Variants in AGFG1 observed in about 807,000 individuals in gnomAD.
AGFG1 encodes the protein ArfGAP with FG repeats 1.
In AGFG1, 10 loss-of-function variants were observed where a neutral mutation model predicts 60.6. The observed-to-expected ratio is 0.16, with a 90% CI of 0.10 to 0.28. AGFG1 has a LOEUF of 0.28. Among genes scored for constraint, AGFG1 ranks in the 10% least tolerant of loss-of-function variants. AGFG1 has a pLI of 1.00. For missense variants in AGFG1, 537 were observed against 676.5 expected (o/e 0.79, Z 2.29); for synonymous variants, 247 against 242.9 (o/e 1.02, Z -0.16).
intron 10 of AGFG1, among the ~76,000 whole-genome samples, chr2:227,546,768 TA>T (rs1329276790): frequency 7.2e-5 from 11 of 152,236 alleles, no homozygotes; most frequent in African/African-American, 2.7e-4. Flanking sequence ...TAATAGAGGT[TA>T]AAATAATTTT....
chr2:227,557,951 T>C lies in AGFG1; in HGVS notation c.*3456T>C, dbSNP rs1336118950. 7 of 152,212 alleles carry C rather than the reference T, an allele frequency of 4.6e-5. No homozygotes were observed. The highest frequency in any genetic ancestry group is 8.8e-5 in the Non-Finnish European group (6 of 68,014). The allele number at this position is 152,212 out of a possible 1,614,324, so 9.4% of individuals were successfully genotyped here. ...TCTCCAGACTCTTTGAGAACCACTA[T>C]ACTTTAAATTTGTGTATTTCTAGAA... is the stretch of plus-strand genomic sequence containing the variant. On this transcript the variant is annotated 3_prime_UTR_variant, in exon 13 of 13. Transcript: ENST00000310078.
chr2:227,534,157 A>G (rs999646700), intron 7 of AGFG1, among the ~76,000 whole-genome samples: 1 of 152,134 alleles, frequency 6.6e-6, no homozygotes, highest in Non-Finnish European at 1.5e-5. Context: ...ATATTTAAAA[A>G]AAAAAATTCA....
chr2:227,531,893 G>C (rs1692172229), intron 6 of AGFG1, among the ~76,000 whole-genome samples: 1 of 152,192 alleles, frequency 6.6e-6, no homozygotes, highest in African/African-American at 2.4e-5. Context: ...GACAAGAGTA[G>C]ATTAATGATC....
Position 227,472,432 on chromosome 2 carries a change from G to T in AGFG1, c.11G>T (p.Ser4Ile). The T allele has an allele frequency of 6.6e-7, 1 of 1,524,680 alleles. No homozygotes were observed. The highest frequency in any genetic ancestry group is 8.8e-7 in the Non-Finnish European group (1 of 1,135,434). The allele number at this position is 1,524,680 out of a possible 1,614,324, so 94.4% of individuals were successfully genotyped here. A position where few individuals can be genotyped will look rare whatever the true frequency, so the allele number is the denominator to read the frequency against. The change falls in exon 1 of 13, where the codon AGC (serine) becomes ATC (isoleucine). Residue 4 changes from serine to isoleucine, a missense_variant. Around this residue, in one of 4 missense-constraint regions of AGFG1, gnomAD observed 120 missense variants for 198.5 expected, o/e 0.60. Coordinates refer to ENST00000310078, the MANE Select transcript of AGFG1 (RefSeq NM_004504.5). MAA[S>I]AKRKQEEKHL... ...CTTGGCGCCGCGGCCATGGCGGCCA[G>T]CGCGAAGCGGAAGCAGGAGGAGAAG...
At chr2:227,497,761 T>TTTG (rs546987888) in intron 2 of AGFG1, among the ~76,000 whole-genome samples, 9 of 65,208 alleles carry the variant, frequency 1.4e-4, no homozygotes, top group Admixed American at 4.3e-4. Flanking sequence ...TTTTTTTTTT[T>TTTG]GGGGACGGAG....
chr2:227,497,655 A>C (rs1012677931), intron 2 of AGFG1, among the ~76,000 whole-genome samples: 1 of 151,572 alleles, frequency 6.6e-6, no homozygotes, highest in African/African-American at 2.4e-5. Flanking sequence ...CTGTGGCATA[A>C]TCTTGCATAC....
intron 2 of AGFG1, among the ~76,000 whole-genome samples, chr2:227,519,231 T>G (rs925606652): frequency 1.3e-5 from 2 of 152,228 alleles, no homozygotes; most frequent in Non-Finnish European, 2.9e-5. Flanking sequence ...TAGGAATTCT[T>G]TATATATTCC....
At chr2:227,552,679 T>TTTTTTTTTTTTTTTTTG (rs1692855399) in intron 11 of AGFG1, among the ~76,000 whole-genome samples, 1 of 151,682 alleles carries the variant, frequency 6.6e-6, no homozygotes, top group Non-Finnish European at 1.5e-5. Flanking sequence ...TTTCTTTTTT[T>TTTTTTTTTTTTTTTTTG]TTTTTTTTAA....
intron 8 of AGFG1, 40 bp downstream of exon 8, chr2:227,535,065 CT>C (rs202054394): frequency 1.4e-5 from 20 of 1,425,904 alleles, no homozygotes; most frequent in East Asian, 5.2e-5. Flanking sequence ...TGTGTTTTAT[CT>C]TTTTTTTCCA....
At position 227,472,484 on chromosome 2, in the gene AGFG1, C is replaced by G; in HGVS notation, c.63C>G (p.Thr21=). The G allele has an allele frequency of 6.3e-7, 1 of 1,578,800 alleles. No homozygotes were observed. The highest frequency in any genetic ancestry group is 8.6e-7 in the Non-Finnish European group (1 of 1,162,898). Residue 21 remains threonine, a synonymous_variant, in exon 1 of 13, where the codon ACC becomes ACG. Coordinates refer to ENST00000310078, the MANE Select transcript of AGFG1 (RefSeq NM_004504.5). ...ACCTGAAGATGCTGCGGGACATGAC[C>G]GGCCTCCCGCACAACCGAAAGTGCT... is the stretch of plus-strand genomic sequence containing the variant. The part of the protein sequence containing the change: ...EKHLKMLRDM[T]GLPHNRKCFD...
chr2:227,536,485 A>T, intron 8 of AGFG1, 140 bp from the exon 9 acceptor site: 1 of 613,268 alleles, frequency 1.6e-6, no homozygotes, highest in Non-Finnish European at 2.9e-6. Flanking sequence ...ACATCTTTAC[A>T]CTTAAATGTC....
chr2:227,499,442 C>G (rs1691081481), intron 2 of AGFG1, among the ~76,000 whole-genome samples: 1 of 152,002 alleles, frequency 6.6e-6, no homozygotes, highest in Non-Finnish European at 1.5e-5. Flanking sequence ...GAGTTCGAGT[C>G]TAGCTTGGGC....
chr2:227,547,047 C>T (rs1180872647), intron 10 of AGFG1, among the ~76,000 whole-genome samples: 13 of 152,346 alleles, frequency 8.5e-5, no homozygotes, highest in South Asian at 2.1e-4. Flanking sequence ...TATTAATACC[C>T]AGAATGCTTC....
In AGFG1 at chr2:227,560,177, C is replaced by G. The variant is rs778871527; in HGVS notation, c.*5682C>G. The stretch of plus-strand genomic sequence containing the variant: ...GTCTTTCCATATTGCCACCTTCCAG[C>G]TCTAACATTAATGTCTCCAGGATTC... On this transcript the variant is annotated 3_prime_UTR_variant, in exon 13 of 13. Coordinates refer to ENST00000310078, the MANE Select transcript of AGFG1 (RefSeq NM_004504.5). 6.6e-6 allele frequency: 1 copy of G among 152,130 alleles called. No homozygotes were observed. Among genetic ancestry groups the G allele is most frequent in the Non-Finnish European group, 1.5e-5 (1 of 67,986 alleles). The allele number at this position is 152,130 out of a possible 1,614,324, so 9.4% of individuals were successfully genotyped here. A position where few individuals can be genotyped will look rare whatever the true frequency, so the allele number is the denominator to read the frequency against.
intron 2 of AGFG1, among the ~76,000 whole-genome samples, chr2:227,517,971 C>CA (rs1691703881): frequency 6.6e-6 from 1 of 152,122 alleles, no homozygotes; most frequent in African/African-American, 2.4e-5. Context: ...TTTCATTGTG[C>CA]AACCCTTTGT....
chr2:227,477,498 TATGGTTACC>T (rs1402252826), intron 1 of AGFG1, among the ~76,000 whole-genome samples: 3 of 152,218 alleles, frequency 2.0e-5, no homozygotes, highest in Non-Finnish European at 4.4e-5. Flanking sequence ...CCAAAGAATG[TATGGTTACC>T]ATGGTTACCG....
chr2:227,497,101 T>C (rs751026559), intron 2 of AGFG1, among the ~76,000 whole-genome samples: 8 of 152,132 alleles, frequency 5.3e-5, no homozygotes, highest in Non-Finnish European at 8.8e-5. Context: ...ATAGTAAATA[T>C]TGTAGGCTTT....
chr2:227,516,033 C>T (rs1275530002), intron 2 of AGFG1, among the ~76,000 whole-genome samples: 3 of 152,184 alleles, frequency 2.0e-5, no homozygotes, highest in Non-Finnish European at 1.5e-5. Flanking sequence ...TTGGGAGATG[C>T]TGAAAGCTGT....
At chr2:227,523,709 T>G in intron 3 of AGFG1, 54 bp from the exon 4 acceptor site, 1 of 1,523,454 alleles carries the variant, frequency 6.6e-7, no homozygotes, top group Non-Finnish European at 9.0e-7. Flanking sequence ...TATCATTTTT[T>G]GATATAGAAT....
Sources: allele counts gnomAD v4.1 joint callset (sites outside exome capture counted in the v4.1 genomes callset), GRCh38; gene constraint gnomAD v4.1.1; regional missense constraint gnomAD v4.1.1; transcripts MANE v1.5; gene names NCBI Gene and HGNC (gene_info 2026-07-23, HGNC 2026-07-21).